AK2: variants seen among roughly 807,000 people sequenced by gnomAD.
The protein encoded by AK2 is adenylate kinase 2.
A neutral mutation model predicts 24.6 loss-of-function variants in AK2; 15 were observed. The observed-to-expected ratio is 0.61, with a 90% confidence interval of 0.41 to 0.94. The LOEUF (loss-of-function observed/expected upper bound fraction) is 0.94, where lower values mean the gene tolerates loss of function less well. Among genes scored for constraint, AK2 ranks in the 40% least tolerant of loss-of-function variants. AK2 has a pLI of 0.00. For missense variants in AK2, 257 were observed against 304.1 expected (o/e 0.85, Z 1.15); for synonymous variants, 102 against 114.0 (o/e 0.90, Z 0.67).
chr1:33,013,895 G>C (rs138952905), intron 5 of AK2, among the ~76,000 whole-genome samples: 12 of 152,280 alleles, frequency 7.9e-5, no homozygotes, highest in Admixed American at 2.6e-4. Flanking sequence ...GGTAGAATTA[G>C]CAACTTTGCA....
intron 5 of AK2, 59 bp downstream of exon 5, chr1:33,014,463 A>G: frequency 7.4e-7 from 1 of 1,348,504 alleles, no homozygotes; most frequent in South Asian, 1.2e-5. Flanking sequence ...AGGAAAAAGA[A>G]AAACAGTGAA....
At chr1:33,027,329 G>C (rs940205597) in intron 1 of AK2, among the ~76,000 whole-genome samples, 5 of 152,202 alleles carry the variant, frequency 3.3e-5, no homozygotes, top group Admixed American at 6.5e-5. Flanking sequence ...CCACAGAGAA[G>C]AGCTGTTAGC....
chr1:33,024,066 G>T, intron 2 of AK2: 1 of 275,642 alleles, frequency 3.6e-6, no homozygotes, highest in Non-Finnish European at 7.1e-6. Context: ...AGCTACTCGG[G>T]AGGCTGAGGT....
chr1:33,021,102 C>T (rs1639519055), intron 4 of AK2, among the ~76,000 whole-genome samples: 1 of 151,848 alleles, frequency 6.6e-6, no homozygotes, highest in South Asian at 2.1e-4. Flanking sequence ...GCCGAGACTG[C>T]GCCACTGCAC....
chr1:33,018,343 G>A (rs554126453), intron 4 of AK2, among the ~76,000 whole-genome samples: 235 of 152,178 alleles, frequency 1.5e-3, no homozygotes, highest in Admixed American at 5.5e-3. Flanking sequence ...TGTGAGGTCC[G>A]GGGTGCATTC....
intron 4 of AK2, among the ~76,000 whole-genome samples, chr1:33,020,713 T>C (rs1048411826): frequency 1.3e-5 from 2 of 151,798 alleles, no homozygotes; most frequent in African/African-American, 4.8e-5. Context: ...GGCGTGGTGG[T>C]ACATGCCTGT....
chr1:33,017,250 A>G (rs1639247632), intron 4 of AK2, among the ~76,000 whole-genome samples: 1 of 152,122 alleles, frequency 6.6e-6, no homozygotes. Context: ...TAGATGAGGG[A>G]ACCATGGATA....
At chr1:33,026,261 C>T (rs188153622) in intron 1 of AK2, among the ~76,000 whole-genome samples, 17 of 152,164 alleles carry the variant, frequency 1.1e-4, no homozygotes, top group Non-Finnish European at 2.1e-4. Context: ...TGCAGTGGCA[C>T]GATCACGGCT....
chr1:33,014,347 G>A, intron 5 of AK2, 175 bp downstream of exon 5: 3 of 585,900 alleles, frequency 5.1e-6, no homozygotes, highest in Non-Finnish European at 9.5e-6. Context: ...CACCTGAGGA[G>A]ACACTGAATA....
Position 33,012,783 on chromosome 1 carries a change from G to A in AK2, c.*398C>T, listed in dbSNP as rs146712651. ...GTTGTGGCATGCACCTGTAGTCCCA[G>A]CTGCTCAGGAGGCTGAGGTGGGATA... On this transcript the variant is annotated 3_prime_UTR_variant, in exon 6 of 6. Coordinates refer to ENST00000672715, the MANE Select transcript of AK2 (RefSeq NM_001625.4). 3,110 of 986,424 alleles carry A rather than the reference G, an allele frequency of 3.2e-3. 50 individuals are homozygous for A. In the African/African-American group the frequency reaches 0.039, roughly 12 times the overall value. The allele number at this position is 986,424 out of a possible 1,614,324, so 61.1% of individuals were successfully genotyped here.
At chr1:33,017,189 T>G (rs1639245003) in intron 4 of AK2, among the ~76,000 whole-genome samples, 1 of 152,220 alleles carries the variant, frequency 6.6e-6, no homozygotes, top group Admixed American at 6.5e-5. Flanking sequence ...TGGGTTATAT[T>G]TATTGGTGGT....
At position 33,010,471 on chromosome 1, in the gene AK2, A is replaced by C. The variant is rs1557605781; in HGVS notation, c.*2710T>G. On this transcript the variant is annotated 3_prime_UTR_variant, in exon 6 of 6. Coordinates refer to ENST00000672715, the MANE Select transcript of AK2 (RefSeq NM_001625.4). ...TTGGTCTGGAACCCATGGGGTTCTG[A>C]GATAAAAGCTGAGGTCTTAGAGCAC... The C allele has an allele frequency of 3.4e-6, 2 of 589,732 alleles. No individual in the cohort carries two copies. Among genetic ancestry groups the C allele is most frequent in the East Asian group, 3.9e-5 (1 of 25,810 alleles). The allele number at this position is 589,732 out of a possible 1,614,324, so 36.5% of individuals were successfully genotyped here.
At chr1:33,028,323 G>C (rs980604132) in intron 1 of AK2, among the ~76,000 whole-genome samples, 1 of 152,002 alleles carries the variant, frequency 6.6e-6, no homozygotes, top group South Asian at 2.1e-4. Flanking sequence ...GACCAACATG[G>C]AGAAACCCCG....
chr1:33,020,168 C>A (rs2124319913), intron 4 of AK2: 1 of 1,508,730 alleles, frequency 6.6e-7, no homozygotes, highest in East Asian at 2.5e-5. Context: ...AATGCTATTA[C>A]AGAGAAACAA....
Position 33,009,137 on chromosome 1 carries a change from T to C in AK2, c.*4044A>G, listed in dbSNP as rs1320975595. On this transcript the variant is annotated 3_prime_UTR_variant, in exon 6 of 6. Coordinates refer to ENST00000672715, the MANE Select transcript of AK2 (RefSeq NM_001625.4). Reference sequence around the variant, plus strand: ...CAGGGAACAGGATTTAATATGTCAGTGAAGACCCTGCCTCTCTCTGTAACA... The same window carrying C: ...CAGGGAACAGGATTTAATATGTCAGCGAAGACCCTGCCTCTCTCTGTAACA... The C allele has an allele frequency of 8.8e-6, 4 of 452,498 alleles. No individual in the cohort carries two copies. Among genetic ancestry groups the C allele is most frequent in the South Asian group, 1.6e-5 (1 of 64,374 alleles). The allele number at this position is 452,498 out of a possible 1,614,324, so 28.0% of individuals were successfully genotyped here.
chr1:33,027,227 C>A (rs1283549265), intron 1 of AK2, among the ~76,000 whole-genome samples: 1 of 152,228 alleles, frequency 6.6e-6, no homozygotes, highest in Non-Finnish European at 1.5e-5. Flanking sequence ...CTAGAGAGTG[C>A]TTTCTGCCAA....
rs72884309 is a variant in AK2 at position 33,023,509 on chromosome 1, C to T, written c.219+933G>A. Among the ~76,000 whole-genome samples the T allele has an allele frequency of 1.0e-2, 1,515 of 152,156 alleles. 26 individuals are homozygous for T. Among genetic ancestry groups the T allele is most frequent in the African/African-American group, 0.034 (1,420 of 41,500 alleles). On this transcript the variant is annotated intron_variant, in intron 2 of 5. Coordinates refer to ENST00000672715, the MANE Select transcript of AK2 (RefSeq NM_001625.4). ...GGCCGAAGTGGGAGGATCACTTGAGCCCAGGAGGTCGAGGCTGTAGTAAGC... is the reference window on the plus strand; with the variant it reads ...GGCCGAAGTGGGAGGATCACTTGAGTCCAGGAGGTCGAGGCTGTAGTAAGC...
In AK2 at chr1:33,009,097, A is replaced by G. The variant is rs891726308; in HGVS notation, c.*4084T>C. On this transcript the variant is annotated 3_prime_UTR_variant, in exon 6 of 6. Transcript: ENST00000672715. ...CACAGGTGAGGAAGTGGAGCAGAAG[A>G]GGGAGGGGCTGGTTCAGGGAACAGG... 2 of 453,684 alleles carry G rather than the reference A, an allele frequency of 4.4e-6. No individual in the cohort carries two copies. The highest frequency in any genetic ancestry group is 8.8e-6 in the Non-Finnish European group (2 of 226,550). The allele number at this position is 453,684 out of a possible 1,614,324, so 28.1% of individuals were successfully genotyped here.
chr1:33,024,701 T>C (rs1342603350), intron 1 of AK2, 134 bp from the exon 2 acceptor site: 6 of 1,090,310 alleles, frequency 5.5e-6, no homozygotes, highest in Non-Finnish European at 6.9e-6. Flanking sequence ...TTACCTGTAA[T>C]GGGGATAAAA....
Sources: allele counts gnomAD v4.1 joint callset (sites outside exome capture counted in the v4.1 genomes callset), GRCh38; gene constraint gnomAD v4.1.1; transcripts MANE v1.5; gene names NCBI Gene and HGNC (gene_info 2026-07-23, HGNC 2026-07-21).